CTNND2: variants seen among roughly 807,000 people sequenced by gnomAD.
The protein encoded by CTNND2 is catenin delta-2.
A neutral mutation model predicts 144.4 loss-of-function variants in CTNND2; 22 were observed. The observed-to-expected ratio is 0.15, with a 90% confidence interval of 0.11 to 0.22. The LOEUF (loss-of-function observed/expected upper bound fraction) is 0.22. CTNND2 is among the 10% of genes least tolerant of loss of function. The probability of loss-of-function intolerance (pLI) is 1.00; values close to 1 mark genes in which losing one functional copy is unlikely to be tolerated. For missense variants in CTNND2, 1,353 were observed against 1,618.8 expected, an observed-to-expected ratio of 0.84 and a Z score of 2.82; for synonymous variants, 751 against 695.6, an observed-to-expected ratio of 1.08 and a Z score of -1.25.
At chr5:11,569,883 G>C (rs913499288) in intron 2 of CTNND2, among the ~76,000 whole-genome samples, 5 of 152,122 alleles carry the variant, frequency 3.3e-5, no homozygotes, top group African/African-American at 9.7e-5. Flanking sequence ...GCCCTCACCA[G>C]ACACCAAATC....
At chr5:11,278,007 T>C (rs1212926995) in intron 9 of CTNND2, among the ~76,000 whole-genome samples, 1 of 152,182 alleles carries the variant, frequency 6.6e-6, no homozygotes, top group Non-Finnish European at 1.5e-5. Flanking sequence ...AGTTACTTCT[T>C]TTCTTAGGGA....
intron 3 of CTNND2, among the ~76,000 whole-genome samples, chr5:11,457,324 GC>G (rs969082333): frequency 6.6e-6 from 1 of 151,896 alleles, no homozygotes; most frequent in African/African-American, 2.4e-5. Context: ...GATTGCTTGA[GC>G]CCAGGTAATC....
At chr5:11,132,347 C>T (rs778184739) in intron 12 of CTNND2, among the ~76,000 whole-genome samples, 1 of 152,186 alleles carries the variant, frequency 6.6e-6, no homozygotes, top group Non-Finnish European at 1.5e-5. Context: ...TTTGTGTCCT[C>T]CAACAAATCA....
intron 12 of CTNND2, among the ~76,000 whole-genome samples, chr5:11,149,287 A>C (rs1757529845): frequency 6.6e-6 from 1 of 152,136 alleles, no homozygotes; most frequent in African/African-American, 2.4e-5. Flanking sequence ...CAGAACCCTC[A>C]TGTGTTTATA....
chr5:11,122,246 C>CAA (rs202171390), intron 12 of CTNND2, among the ~76,000 whole-genome samples: 3 of 120,614 alleles, frequency 2.5e-5, no homozygotes, highest in African/African-American at 8.5e-5. Context: ...TTTCAACTTG[C>CAA]AAAAAAAAAA....
intron 1 of CTNND2, among the ~76,000 whole-genome samples, chr5:11,778,868 T>A (rs1288561402): frequency 6.6e-6 from 1 of 152,246 alleles, no homozygotes; most frequent in Admixed American, 6.5e-5. Flanking sequence ...GTGTGAGTCA[T>A]ATGGGAATTC....
chr5:11,098,066 T>G (rs1478404670), intron 15 of CTNND2, among the ~76,000 whole-genome samples: 1 of 152,242 alleles, frequency 6.6e-6, no homozygotes, highest in East Asian at 1.9e-4. Context: ...TTTAACATGT[T>G]TGCCAAAGTC....
At chr5:11,505,205 A>G (rs1770908089) in intron 3 of CTNND2, among the ~76,000 whole-genome samples, 1 of 152,186 alleles carries the variant, frequency 6.6e-6, no homozygotes, top group African/African-American at 2.4e-5. Context: ...ATTAAAAAAA[A>G]AAAAAGTCGA....
chr5:11,191,044 A>G (rs910677534), intron 11 of CTNND2, among the ~76,000 whole-genome samples: 1 of 152,204 alleles, frequency 6.6e-6, no homozygotes, highest in African/African-American at 2.4e-5. Flanking sequence ...AATGAATCCC[A>G]GAAGGACATC....
chr5:11,412,011 G>A (rs1218901427), intron 4 of CTNND2, 24 bp downstream of exon 4: 1 of 1,589,072 alleles, frequency 6.3e-7, no homozygotes, highest in African/African-American at 1.3e-5. Context: ...AAGTGTAAGT[G>A]TTCATCAATA....
At chr5:11,474,222 G>A (rs1310660484) in intron 3 of CTNND2, among the ~76,000 whole-genome samples, 1 of 152,166 alleles carries the variant, frequency 6.6e-6, no homozygotes, top group African/African-American at 2.4e-5. Context: ...TAATTATGTA[G>A]ATAACAATTT....
At chr5:11,135,246 A>T (rs566508099) in intron 12 of CTNND2, among the ~76,000 whole-genome samples, 39 of 152,338 alleles carry the variant, frequency 2.6e-4, no homozygotes, top group Non-Finnish European at 5.0e-4. Context: ...TCTGGCACAA[A>T]CTATATATAA....
chr5:11,882,813 T>C (rs1432089815), intron 1 of CTNND2, among the ~76,000 whole-genome samples: 1 of 152,160 alleles, frequency 6.6e-6, no homozygotes, highest in Non-Finnish European at 1.5e-5. Flanking sequence ...TCCATAAAAA[T>C]GATATAATTG....
At chr5:11,212,250 G>A (rs1738710772) in intron 10 of CTNND2, among the ~76,000 whole-genome samples, 1 of 152,174 alleles carries the variant, frequency 6.6e-6, no homozygotes, top group Non-Finnish European at 1.5e-5. Flanking sequence ...GTTTAGTGAA[G>A]GGGATACACA....
intron 19 of CTNND2, among the ~76,000 whole-genome samples, chr5:10,989,813 C>G (rs1238776532): frequency 6.6e-6 from 1 of 152,190 alleles, no homozygotes; most frequent in Admixed American, 6.5e-5. Flanking sequence ...GAATGAGAGG[C>G]AGAAGTGCCC....
At chr5:11,143,238 C>A (rs921237430) in intron 12 of CTNND2, among the ~76,000 whole-genome samples, 2 of 152,212 alleles carry the variant, frequency 1.3e-5, no homozygotes, top group Admixed American at 6.5e-5. Context: ...TAGAAACTCT[C>A]CATGACTTCC....
chr5:11,826,639 A>G (rs2126952914), intron 1 of CTNND2, among the ~76,000 whole-genome samples: 1 of 152,152 alleles, frequency 6.6e-6, no homozygotes, highest in Non-Finnish European at 1.5e-5. Flanking sequence ...AAAAATACAA[A>G]TTAAAAATAA....
At chr5:11,454,117 A>T (rs750374695) in intron 3 of CTNND2, among the ~76,000 whole-genome samples, 1 of 152,132 alleles carries the variant, frequency 6.6e-6, no homozygotes, top group African/African-American at 2.4e-5. Context: ...TGACATTAGG[A>T]CTCTACTTAT....
chr5:11,552,884 A>C (rs1392386564), intron 3 of CTNND2, among the ~76,000 whole-genome samples: 5 of 152,224 alleles, frequency 3.3e-5, no homozygotes, highest in Non-Finnish European at 7.3e-5. Flanking sequence ...ACCATAAACA[A>C]ACAAACAAAT....
Sources: gnomAD v4.1 joint callset for allele counts (sites outside exome capture counted in the v4.1 genomes callset) on GRCh38, gnomAD v4.1.1 for gene constraint, MANE v1.5 for transcripts, NCBI Gene and HGNC (gene_info 2026-07-23, HGNC 2026-07-21) for gene names.